Variants in USP49 observed in about 807,000 individuals in gnomAD.
USP49 encodes the protein ubiquitin specific peptidase 49, also known as ubiquitin carboxyl-terminal hydrolase 49.
Under a neutral mutation model 58.6 loss-of-function variants are expected in USP49, and 24 were observed. That is an observed-to-expected ratio of 0.41 (90% CI 0.30 to 0.58). USP49 has a LOEUF of 0.58. USP49 is among the 20% of genes least tolerant of loss of function. The pLI is 0.30. For synonymous variants in USP49, 408 were observed against 365.1 expected (o/e 1.12, Z -1.34); for missense variants, 703 against 866.1 (o/e 0.81, Z 2.36).
intron 2 of USP49, among the ~76,000 whole-genome samples, chr6:41,888,043 A>G (rs1447447659): frequency 6.9e-6 from 1 of 144,426 alleles, no homozygotes; most frequent in Non-Finnish European, 1.5e-5. Flanking sequence ...AATTATCACA[A>G]TCAGCTTTTT....
intron 3 of USP49, among the ~76,000 whole-genome samples, chr6:41,823,621 A>G (rs1561909863): frequency 6.6e-6 from 1 of 152,278 alleles, no homozygotes; most frequent in East Asian, 1.9e-4. Flanking sequence ...TTTCTTATCA[A>G]CCAAGGTACC....
At chr6:41,859,724 TTC>T (rs1269646745) in intron 3 of USP49, among the ~76,000 whole-genome samples, 2 of 152,184 alleles carry the variant, frequency 1.3e-5, no homozygotes. Context: ...TGAAAAAATA[TTC>T]TGACAAAAAC....
intron 1 of USP49, among the ~76,000 whole-genome samples, chr6:41,892,082 C>G (rs1444539712): frequency 1.3e-5 from 2 of 152,062 alleles, no homozygotes; most frequent in African/African-American, 4.8e-5. Flanking sequence ...TTTTAAAAAT[C>G]CATTTTCAGT....
chr6:41,795,428 AT>A lies in USP49; in HGVS notation c.*1104del, dbSNP rs537348521. 332 of 152,318 alleles carry A rather than the reference AT, an allele frequency of 2.2e-3. 2 individuals carry two copies. Among genetic ancestry groups the A allele is most frequent in the African/African-American group, 7.6e-3 (315 of 41,544 alleles). The allele number at this position is 152,318 out of a possible 1,614,324, so 9.4% of individuals were successfully genotyped here. A position where few individuals can be genotyped will look rare whatever the true frequency, so the allele number is the denominator to read the frequency against. On this transcript the variant is annotated 3_prime_UTR_variant, in exon 8 of 8. Transcript: ENST00000682992. ...GTAAAGCAACAGTAGGGATTATCAGATTTGGGAGGAAACAGGTCAAGGCCAT... is the reference window on the plus strand; with the variant it reads ...GTAAAGCAACAGTAGGGATTATCAGATTGGGAGGAAACAGGTCAAGGCCAT...
chr6:41,870,322 A>C (rs1774392006), intron 3 of USP49, among the ~76,000 whole-genome samples: 1 of 152,174 alleles, frequency 6.6e-6, no homozygotes, highest in Non-Finnish European at 1.5e-5. Flanking sequence ...CTGGTTAAAA[A>C]CGGTCTGGCT....
intron 3 of USP49, among the ~76,000 whole-genome samples, chr6:41,853,200 TG>T (rs571284158): frequency 1.9e-4 from 28 of 151,282 alleles, no homozygotes; most frequent in African/African-American, 6.8e-4. Flanking sequence ...AAAAAAGAGC[TG>T]GGGGGGAGAA....
At chr6:41,867,585 T>C (rs374215270) in intron 3 of USP49, among the ~76,000 whole-genome samples, 4 of 39,936 alleles carry the variant, frequency 1.0e-4, no homozygotes, top group Non-Finnish European at 2.3e-4. Flanking sequence ...CTACTAAAAA[T>C]ACAAAAAAAA....
intron 2 of USP49, among the ~76,000 whole-genome samples, chr6:41,877,565 ATTTTT>A (rs34374721): frequency 7.2e-6 from 1 of 138,404 alleles, no homozygotes; most frequent in African/African-American, 2.7e-5. Flanking sequence ...ATGGGATCCC[ATTTTT>A]TTTTTTTTTT....
At position 41,791,573 on chromosome 6, in the gene USP49, T is replaced by C. The variant is rs972661061; in HGVS notation, c.*4960A>G. 3 of 152,232 alleles carry C rather than the reference T, an allele frequency of 2.0e-5. No individual in the cohort carries two copies. The highest frequency in any genetic ancestry group is 7.2e-5 in the African/African-American group (3 of 41,472). The allele number at this position is 152,232 out of a possible 1,614,324, so 9.4% of individuals were successfully genotyped here. ...AAAGCAACATTTTCCCCAAGGAAAG[T>C]CAATTTGATATCCTGTCACACTTTT... is the stretch of plus-strand genomic sequence containing the variant. On this transcript the variant is annotated 3_prime_UTR_variant, in exon 8 of 8. Coordinates refer to ENST00000682992, the MANE Select transcript of USP49 (RefSeq NM_001286554.2).
rs1257168220 is a variant in USP49, at chr6:41,799,911, G to C, written c.1589C>G (p.Pro530Arg). The C allele has an allele frequency of 6.2e-7, 1 of 1,614,080 alleles. No individual in the cohort carries two copies. The highest frequency in any genetic ancestry group is 1.1e-5 in the South Asian group (1 of 91,082). Residue 530 changes from proline (P) to arginine (R), a missense_variant, in exon 6 of 8, where the codon CCC becomes CGC. This residue lies in a region of USP49 where 158 missense variants were observed against 241.2 expected (regional missense o/e 0.66). Transcript: ENST00000682992. ...NSKRRKSNPK[P>R]LVLSEARKQL... ...CTTTCTAGCTTCACTCAGAACAAGG[G>C]GTTTGGGATTGGATTTTCGTCGTTT...
At chr6:41,892,360 A>G (rs1171075747) in intron 1 of USP49, among the ~76,000 whole-genome samples, 2 of 152,222 alleles carry the variant, frequency 1.3e-5, no homozygotes, top group African/African-American at 4.8e-5. Context: ...ACACATCTAT[A>G]AAAAGAATAT....
chr6:41,795,449 G>A lies in USP49; in HGVS notation c.*1084C>T, dbSNP rs1251491635. The A allele has an allele frequency of 2.0e-5, 3 of 152,194 alleles. No homozygotes were observed. The highest frequency in any genetic ancestry group is 4.8e-5 in the African/African-American group (2 of 41,422). The allele number at this position is 152,194 out of a possible 1,614,324, so 9.4% of individuals were successfully genotyped here. A position where few individuals can be genotyped will look rare whatever the true frequency, so the allele number is the denominator to read the frequency against. On this transcript the variant is annotated 3_prime_UTR_variant, in exon 8 of 8. Transcript: ENST00000682992. ...TCAGATTTGGGAGGAAACAGGTCAA[G>A]GCCATTGGTAATCAACTCTTCAGAT...
intron 3 of USP49, among the ~76,000 whole-genome samples, chr6:41,865,752 C>T (rs991923465): frequency 6.6e-6 from 1 of 151,136 alleles, no homozygotes; most frequent in Non-Finnish European, 1.5e-5. Flanking sequence ...CATCCTCCTG[C>T]CTCAGCTTCC....
Position 41,794,339 on chromosome 6 carries a change from T to C in USP49, c.*2194A>G, listed in dbSNP as rs1253346669. ...CTTATAATATTTGGTATAAAACTAT[T>C]TTTAAAAATTAAATTGGAAGATCTT... On this transcript the variant is annotated 3_prime_UTR_variant, in exon 8 of 8. Coordinates refer to ENST00000682992, the MANE Select transcript of USP49 (RefSeq NM_001286554.2). The C allele has an allele frequency of 6.6e-6, 1 of 152,248 alleles. No homozygotes were observed. Among genetic ancestry groups the C allele is most frequent in the African/African-American group, 2.4e-5 (1 of 41,468 alleles). 9.4% of individuals were successfully genotyped at this position (152,248 alleles called of 1,614,324 possible).
At chr6:41,877,186 T>G (rs1774517613) in intron 2 of USP49, among the ~76,000 whole-genome samples, 1 of 152,258 alleles carries the variant, frequency 6.6e-6, no homozygotes, top group South Asian at 2.1e-4. Flanking sequence ...GGTTTAAGTT[T>G]AAATTCAAGG....
intron 3 of USP49, among the ~76,000 whole-genome samples, chr6:41,852,043 G>A (rs746248507): frequency 6.6e-5 from 10 of 151,706 alleles, no homozygotes; most frequent in African/African-American, 1.9e-4. Context: ...ATCCTGGGCC[G>A]GGCACGGTGG....
intron 3 of USP49, among the ~76,000 whole-genome samples, chr6:41,830,031 T>G (rs1446685578): frequency 6.6e-6 from 1 of 152,222 alleles, no homozygotes; most frequent in East Asian, 1.9e-4. Context: ...AAACAAACTA[T>G]TTGGTCTTGA....
intron 3 of USP49, among the ~76,000 whole-genome samples, chr6:41,813,103 T>C (rs910136241): frequency 6.6e-6 from 1 of 152,206 alleles, no homozygotes; most frequent in Non-Finnish European, 1.5e-5. Context: ...TTTTAATTAA[T>C]TTTAAGTCAC....
chr6:41,844,901 G>T (rs559121860), intron 3 of USP49, among the ~76,000 whole-genome samples: 1 of 151,800 alleles, frequency 6.6e-6, no homozygotes, highest in South Asian at 2.1e-4. Flanking sequence ...TGTTTGTTTT[G>T]GTTTTGTTTT....
Sources: gnomAD v4.1 joint callset for allele counts (sites outside exome capture counted in the v4.1 genomes callset) on GRCh38, gnomAD v4.1.1 for gene constraint, gnomAD v4.1.1 regional missense constraint, MANE v1.5 for transcripts, NCBI Gene and HGNC (gene_info 2026-07-23, HGNC 2026-07-21) for gene names.